Variants in MTMR1 observed in about 807,000 individuals in gnomAD.
MTMR1 encodes phosphatidylinositol-3-phosphate phosphatase MTMR1.
A neutral mutation model predicts 51.6 loss-of-function variants in MTMR1; 17 were observed. The ratio of observed to expected loss-of-function variants is 0.33; its 90% CI spans 0.23 to 0.49. MTMR1 has a LOEUF of 0.49. Ranked by LOEUF, MTMR1 falls within the 20% of genes least tolerant of loss-of-function variation. The pLI is 0.99. For missense variants in MTMR1, 386 were observed against 526.9 expected, an observed-to-expected ratio of 0.73 and a Z score of 2.62; for synonymous variants, 201 against 205.6, an observed-to-expected ratio of 0.98 and a Z score of 0.19.
chrX:150,721,214 AG>A (rs1355939859), intron 4 of MTMR1, among the ~76,000 whole-genome samples: 4 of 112,017 alleles, frequency 3.6e-5, no homozygotes, highest in Non-Finnish European at 5.6e-5. Flanking sequence ...TTTGTTTAGA[AG>A]TTTTACGTCA....
intron 4 of MTMR1, among the ~76,000 whole-genome samples, chrX:150,719,456 C>T (rs1569565672): frequency 8.9e-6 from 1 of 111,971 alleles, no homozygotes; most frequent in Non-Finnish European, 1.9e-5. Flanking sequence ...TAGTCTGTGT[C>T]TGTGGACCAT....
chrX:150,694,773 G>A (rs1557415689), intron 1 of MTMR1, among the ~76,000 whole-genome samples: 1 of 112,372 alleles, frequency 8.9e-6, no homozygotes, highest in Admixed American at 9.4e-5. Context: ...CGAGGTCTGG[G>A]CGATTCAGAG....
intron 3 of MTMR1, among the ~76,000 whole-genome samples, chrX:150,716,547 G>A (rs782302498): frequency 9.6e-4 from 108 of 112,633 alleles, no homozygotes; most frequent in African/African-American, 3.3e-3. Context: ...CTAAAAATTT[G>A]AATTGAATTA....
chrX:150,699,100 T>TA (rs2040811715), intron 1 of MTMR1, 95 bp from the exon 2 acceptor site: 3 of 447,067 alleles, frequency 6.7e-6, no homozygotes, highest in Non-Finnish European at 1.1e-5. Context: ...TTAGTTCATC[T>TA]AAAAAAAGAA....
chrX:150,736,958 G>A lies in MTMR1; in HGVS notation c.1266+178G>A, dbSNP rs782263792. Among the ~76,000 whole-genome samples, 7 of 112,012 alleles carry A rather than the reference G, an allele frequency of 6.2e-5. No homozygotes were observed. In the South Asian group the frequency reaches 2.6e-3, roughly 42 times the overall value. ...AGGGCTTTTGTGACATAGTGAAAAG[G>A]GAAAAATGCTTGCCTTAGGTCAGGC... On this transcript the variant is annotated intron_variant, in intron 11 of 15. Transcript: ENST00000445323.
At chrX:150,760,278 G>T (rs1459127238) in intron 15 of MTMR1, among the ~76,000 whole-genome samples, 2 of 99,698 alleles carry the variant, frequency 2.0e-5, no homozygotes, top group Non-Finnish European at 4.4e-5. Flanking sequence ...CAGGGCCTGA[G>T]GAGCCAGGTG....
intron 15 of MTMR1, among the ~76,000 whole-genome samples, chrX:150,762,354 C>T (rs2043166981): frequency 8.9e-6 from 1 of 111,890 alleles, no homozygotes; most frequent in Non-Finnish European, 1.9e-5. Context: ...GCTCGGCCCC[C>T]GGAGCTGCAG....
At chrX:150,746,470 C>A (rs1485854105) in intron 13 of MTMR1, among the ~76,000 whole-genome samples, 5 of 111,778 alleles carry the variant, frequency 4.5e-5, no homozygotes, top group Non-Finnish European at 9.4e-5. Context: ...TGATGCTGAG[C>A]CAATAAGAAA....
chrX:150,762,631 G>A lies in MTMR1; in HGVS notation c.1924G>A (p.Gly642Ser). The A allele has an allele frequency of 1.7e-6, 2 of 1,211,211 alleles. No homozygotes were observed. The highest frequency in any genetic ancestry group is 2.2e-6 in the Non-Finnish European group (2 of 895,225). The change falls in exon 16 of 16, where the codon GGC becomes AGC. Residue 642 changes from glycine (G) to serine (S), a missense_variant. Coordinates refer to ENST00000445323, the MANE Select transcript of MTMR1 (RefSeq NM_001306144.3). ...VRAELQKRVE[G>S]LQREVATRAV... ...GGCGGAGCTGCAGAAGCGTGTGGAG[G>A]GCCTACAGCGGGAGGTGGCCACGCG...
At chrX:150,718,215 A>G (rs782674110) in intron 3 of MTMR1, among the ~76,000 whole-genome samples, 135 of 112,234 alleles carry the variant, frequency 1.2e-3, no homozygotes, top group Middle Eastern at 4.6e-3. Flanking sequence ...TCATTTCTCC[A>G]GTTAGCTAAG....
At chrX:150,715,722 TCTC>T (rs1448073346) in intron 3 of MTMR1, among the ~76,000 whole-genome samples, 5 of 112,905 alleles carry the variant, frequency 4.4e-5, no homozygotes, top group African/African-American at 1.6e-4. Flanking sequence ...ACAAAAGGAA[TCTC>T]CTACGGGGAA....
chrX:150,711,833 C>T (rs1385456661), intron 2 of MTMR1, among the ~76,000 whole-genome samples: 1 of 112,173 alleles, frequency 8.9e-6, no homozygotes, highest in Non-Finnish European at 1.9e-5. Context: ...TTGCAGGTAA[C>T]TCAGCTTTAT....
intron 15 of MTMR1, among the ~76,000 whole-genome samples, chrX:150,760,947 A>G (rs1362088186): frequency 3.0e-5 from 3 of 98,726 alleles, no homozygotes; most frequent in African/African-American, 1.1e-4. Flanking sequence ...AAAAAAAAAA[A>G]AGAAAAAGAA....
intron 15 of MTMR1, 145 bp from the exon 16 acceptor site, chrX:150,762,420 G>T (rs146524205): frequency 4.0e-5 from 29 of 732,983 alleles, no homozygotes; most frequent in Middle Eastern, 9.5e-4. Context: ...TCCACCTGAC[G>T]CGAGATCGGT....
intron 12 of MTMR1, among the ~76,000 whole-genome samples, chrX:150,742,916 G>C (rs1442550487): frequency 2.7e-5 from 3 of 109,175 alleles, no homozygotes; most frequent in African/African-American, 1.0e-4. Context: ...CTTATATGAA[G>C]AAACTAGAAT....
intron 1 of MTMR1, among the ~76,000 whole-genome samples, chrX:150,697,864 G>C (rs1485612458): frequency 1.8e-5 from 2 of 111,932 alleles, no homozygotes; most frequent in Non-Finnish European, 3.8e-5. Flanking sequence ...CAGTGAGTCA[G>C]TCGCTATTGG....
chrX:150,761,323 T>C (rs1246638471), intron 15 of MTMR1, among the ~76,000 whole-genome samples: 2 of 111,840 alleles, frequency 1.8e-5, no homozygotes, highest in Admixed American at 1.9e-4. Context: ...GCCCACTGGG[T>C]GCTGGTTACT....
chrX:150,699,354 C>A, intron 2 of MTMR1, 54 bp downstream of exon 2: 1 of 911,148 alleles, frequency 1.1e-6, no homozygotes, highest in Non-Finnish European at 1.5e-6. Context: ...AGCCAAGAAG[C>A]TTTGCAGTTT....
intron 1 of MTMR1, among the ~76,000 whole-genome samples, chrX:150,696,287 A>G (rs373886357): frequency 9.8e-5 from 11 of 111,716 alleles, no homozygotes; most frequent in African/African-American, 3.6e-4. Context: ...TGTCAGCTCA[A>G]CAAGCTCAGA....
Sources: allele counts gnomAD v4.1 joint callset (sites outside exome capture counted in the v4.1 genomes callset), GRCh38; gene constraint gnomAD v4.1.1; transcripts MANE v1.5; gene names NCBI Gene and HGNC (gene_info 2026-07-23, HGNC 2026-07-21).